FOXN3: variants seen among roughly 807,000 people sequenced by gnomAD.
FOXN3 encodes forkhead box N3, also known as forkhead box protein N3.
In FOXN3, 7 loss-of-function variants were observed where a neutral mutation model predicts 38.4. The ratio of observed to expected loss-of-function variants is 0.18; its 90% CI spans 0.10 to 0.34. The LOEUF (loss-of-function observed/expected upper bound fraction) is 0.34, where lower values mean the gene tolerates loss of function less well. Ranked by LOEUF, FOXN3 falls within the 10% of genes least tolerant of loss-of-function variation. FOXN3 has a pLI of 1.00. For synonymous variants in FOXN3, 230 were observed against 242.2 expected (o/e 0.95, Z 0.47); for missense variants, 456 against 613.4 (o/e 0.74, Z 2.71).
At chr14:89,539,946 T>G (rs1302459421) in intron 1 of FOXN3, among the ~76,000 whole-genome samples, 1 of 152,218 alleles carries the variant, frequency 6.6e-6, no homozygotes, top group Non-Finnish European at 1.5e-5. Flanking sequence ...AACACTCATC[T>G]CAAGCCAGAT....
intron 2 of FOXN3, among the ~76,000 whole-genome samples, chr14:89,370,133 T>C (rs910751293): frequency 2.0e-5 from 3 of 152,282 alleles, no homozygotes; most frequent in Non-Finnish European, 2.9e-5. Flanking sequence ...AAAGTCACTA[T>C]TGTCTTTATT....
At chr14:89,440,767 C>T (rs1892366890) in intron 1 of FOXN3, among the ~76,000 whole-genome samples, 1 of 152,198 alleles carries the variant, frequency 6.6e-6, no homozygotes, top group Non-Finnish European at 1.5e-5. Flanking sequence ...TCACACAAAG[C>T]CTGTTTGGTG....
chr14:89,418,750 G>T (rs1891826088), upstream of FOXN3, among the ~76,000 whole-genome samples: 1 of 147,906 alleles, frequency 6.8e-6, no homozygotes, highest in Admixed American at 6.6e-5. Flanking sequence ...ATGAGACAAT[G>T]TGTACCCTGC....
chr14:89,522,615 T>C lies in FOXN3; in HGVS notation c.-15+96413A>G, dbSNP rs923846848. On this transcript the variant is annotated intron_variant, in intron 1 of 6. Transcript: ENST00000345097. Reference sequence around the variant, plus strand: ...GCAAAAATGCCAGGAGGTATTGCAGTGTCTTCTTTTAAGATTTTTATACTA... The same window carrying C: ...GCAAAAATGCCAGGAGGTATTGCAGCGTCTTCTTTTAAGATTTTTATACTA... Among the ~76,000 whole-genome samples the C allele has an allele frequency of 2.0e-5, 3 of 152,128 alleles. 1 individual carries two copies. In the East Asian group the frequency reaches 5.8e-4, roughly 29 times the overall value.
intron 1 of FOXN3, among the ~76,000 whole-genome samples, chr14:89,510,271 T>A (rs1894030543): frequency 1.3e-5 from 2 of 152,320 alleles, no homozygotes; most frequent in South Asian, 4.1e-4. Context: ...CGATATTCTG[T>A]ATACATTGCT....
intron 1 of FOXN3, among the ~76,000 whole-genome samples, chr14:89,513,403 T>C (rs1018967648): frequency 2.0e-5 from 3 of 151,746 alleles, no homozygotes; most frequent in Admixed American, 1.3e-4. Context: ...TTTTTTGTTT[T>C]GTTTTGTTTT....
At position 89,593,343 on chromosome 14, in the gene FOXN3, T is replaced by C. The variant is rs114746974; in HGVS notation, c.-15+25685A>G. Among the ~76,000 whole-genome samples the C allele has an allele frequency of 9.3e-3, 1,406 of 151,984 alleles. 15 individuals are homozygous for C. The highest frequency in any genetic ancestry group is 0.032 in the African/African-American group (1,320 of 41,456). On this transcript the variant is annotated intron_variant, in intron 1 of 6. Transcript: ENST00000345097. Reference sequence around the variant, plus strand: ...ATCAAAAAGAGATAAGGTTTATTAATAGCAAAAAAAACTAAAAGGGCGTGG... The same window carrying C: ...ATCAAAAAGAGATAAGGTTTATTAACAGCAAAAAAAACTAAAAGGGCGTGG...
chr14:89,398,546 C>T (rs550478292), intron 2 of FOXN3, among the ~76,000 whole-genome samples: 5 of 152,238 alleles, frequency 3.3e-5, no homozygotes, highest in Admixed American at 2.6e-4. Context: ...ATGAAGGCAC[C>T]ATGGAGATGA....
intron 1 of FOXN3, among the ~76,000 whole-genome samples, chr14:89,466,988 C>T (rs1337459122): frequency 6.6e-6 from 1 of 152,196 alleles, no homozygotes; most frequent in Non-Finnish European, 1.5e-5. Flanking sequence ...GATCACAGCG[C>T]CTGACACAAA....
At chr14:89,476,744 G>A (rs1183294485) in intron 1 of FOXN3, among the ~76,000 whole-genome samples, 2 of 152,200 alleles carry the variant, frequency 1.3e-5, no homozygotes, top group African/African-American at 4.8e-5. Flanking sequence ...GAGTGCTGAA[G>A]ACCGATGCCT....
chr14:89,317,776 C>A (rs774145844), intron 3 of FOXN3, among the ~76,000 whole-genome samples: 26 of 151,968 alleles, frequency 1.7e-4, no homozygotes, highest in Non-Finnish European at 3.5e-4. Flanking sequence ...TAGGAACCGG[C>A]TGCACAGCAG....
chr14:89,560,648 A>G (rs937248258), intron 1 of FOXN3, among the ~76,000 whole-genome samples: 10 of 152,362 alleles, frequency 6.6e-5, no homozygotes, highest in South Asian at 2.1e-4. Flanking sequence ...AAACATTAAC[A>G]TAACCCAGCA....
intron 1 of FOXN3, among the ~76,000 whole-genome samples, chr14:89,500,666 G>T (rs997343385): frequency 3.9e-5 from 6 of 152,138 alleles, no homozygotes; most frequent in African/African-American, 1.4e-4. Context: ...TTACCCTCTG[G>T]GCCACTCATC....
chr14:89,272,691 A>G (rs1886184469), intron 4 of FOXN3, among the ~76,000 whole-genome samples: 1 of 151,978 alleles, frequency 6.6e-6, no homozygotes, highest in South Asian at 2.1e-4. Flanking sequence ...TGTCTTTACT[A>G]AGAATACAAA....
At chr14:89,452,396 G>A (rs2139713394) in intron 1 of FOXN3, among the ~76,000 whole-genome samples, 1 of 152,286 alleles carries the variant, frequency 6.6e-6, no homozygotes, top group African/African-American at 2.4e-5. Flanking sequence ...CCAGCACGCT[G>A]GGGAGGGCCG....
chr14:89,221,021 G>A (rs927692625), intron 4 of FOXN3, among the ~76,000 whole-genome samples: 26 of 152,202 alleles, frequency 1.7e-4, no homozygotes, highest in African/African-American at 6.0e-4. Context: ...GTTCAGGGAT[G>A]CATTAAAAAC....
chr14:89,556,673 A>C (rs1338540424), intron 1 of FOXN3, among the ~76,000 whole-genome samples: 2 of 152,218 alleles, frequency 1.3e-5, no homozygotes, highest in Non-Finnish European at 2.9e-5. Context: ...CCAAAGGAAG[A>C]GAAAGGTAAC....
intron 4 of FOXN3, among the ~76,000 whole-genome samples, chr14:89,239,855 C>A (rs1290532806): frequency 6.6e-6 from 1 of 152,214 alleles, no homozygotes; most frequent in Non-Finnish European, 1.5e-5. Context: ...ATCCTATTTT[C>A]TAAATGAGGA....
intron 3 of FOXN3, among the ~76,000 whole-genome samples, chr14:89,309,743 A>C (rs1226998037): frequency 6.6e-6 from 1 of 152,174 alleles, no homozygotes; most frequent in Non-Finnish European, 1.5e-5. Flanking sequence ...TAATGCTGAA[A>C]TGGCAGGCTT....
Sources: gnomAD v4.1 joint callset for allele counts (sites outside exome capture counted in the v4.1 genomes callset) on GRCh38, gnomAD v4.1.1 for gene constraint, MANE v1.5 for transcripts, NCBI Gene and HGNC (gene_info 2026-07-23, HGNC 2026-07-21) for gene names.